CDH13: variants seen among roughly 807,000 people sequenced by gnomAD.
The protein encoded by CDH13 is cadherin-13.
A neutral mutation model predicts 63.8 loss-of-function variants in CDH13; 24 were observed. The observed-to-expected ratio is 0.38, with a 90% CI of 0.27 to 0.53. The LOEUF is 0.53. Among genes scored for constraint, CDH13 ranks in the 20% least tolerant of loss-of-function variants. The probability of loss-of-function intolerance (pLI) is 0.85; values close to 1 mark genes in which losing one functional copy is unlikely to be tolerated. For synonymous variants in CDH13, 503 were observed against 355.3 expected (o/e 1.42, Z -4.67); for missense variants, 1,049 against 903.1 (o/e 1.16, Z -2.07).
intron 4 of CDH13, among the ~76,000 whole-genome samples, chr16:83,138,090 C>T (rs1263448212): frequency 6.6e-6 from 1 of 151,950 alleles, no homozygotes; most frequent in Non-Finnish European, 1.5e-5. Context: ...TAATTGTTCC[C>T]ATCTGTGAGT....
At chr16:83,596,637 C>T (rs537955244) in intron 7 of CDH13, among the ~76,000 whole-genome samples, 2 of 152,146 alleles carry the variant, frequency 1.3e-5, no homozygotes, top group South Asian at 4.2e-4. Context: ...AGAGTGACTC[C>T]GAGAGCTAGG....
intron 2 of CDH13, among the ~76,000 whole-genome samples, chr16:82,947,003 CCTGTGT>C (rs1904797767): frequency 1.1e-5 from 1 of 91,232 alleles, no homozygotes; most frequent in Non-Finnish European, 2.3e-5. Context: ...AGTGCGCACG[CCTGTGT>C]GTGTGTGTGT....
At chr16:83,625,387 C>A (rs1209760750) in intron 8 of CDH13, among the ~76,000 whole-genome samples, 1 of 152,190 alleles carries the variant, frequency 6.6e-6, no homozygotes, top group Admixed American at 6.5e-5. Flanking sequence ...CACTTCCACC[C>A]TATACAGTTG....
At chr16:82,868,954 T>C (rs1225136727) in intron 2 of CDH13, among the ~76,000 whole-genome samples, 2 of 152,174 alleles carry the variant, frequency 1.3e-5, no homozygotes, top group Admixed American at 6.5e-5. Flanking sequence ...TATTTTCTCA[T>C]CTGGAAAATT....
intron 1 of CDH13, among the ~76,000 whole-genome samples, chr16:82,709,734 A>G (rs1157688756): frequency 6.6e-6 from 1 of 152,202 alleles, no homozygotes; most frequent in Non-Finnish European, 1.5e-5. Flanking sequence ...GATATGGTAA[A>G]GAGGATGCAG....
chr16:83,760,061 A>T (rs569911567), intron 11 of CDH13, among the ~76,000 whole-genome samples: 1 of 152,232 alleles, frequency 6.6e-6, no homozygotes, highest in Non-Finnish European at 1.5e-5. Flanking sequence ...TAACAAATGT[A>T]TGAAAAGATG....
chr16:83,629,681 G>T (rs934469380), intron 8 of CDH13, among the ~76,000 whole-genome samples: 1 of 152,106 alleles, frequency 6.6e-6, no homozygotes, highest in African/African-American at 2.4e-5. Flanking sequence ...GGACATAAAC[G>T]AGAAGTCTAC....
intron 6 of CDH13, among the ~76,000 whole-genome samples, chr16:83,412,536 C>T (rs2092142906): frequency 6.6e-6 from 1 of 151,974 alleles, no homozygotes; most frequent in Admixed American, 6.6e-5. Context: ...AGGCATAAGC[C>T]CCCACCTTAG....
intron 7 of CDH13, among the ~76,000 whole-genome samples, chr16:83,488,087 G>C (rs1313405135): frequency 6.6e-6 from 1 of 152,124 alleles, no homozygotes; most frequent in Non-Finnish European, 1.5e-5. Flanking sequence ...AGTCACATGG[G>C]GTTATTGCAA....
intron 6 of CDH13, among the ~76,000 whole-genome samples, chr16:83,367,148 C>G (rs1222067025): frequency 6.6e-6 from 1 of 152,188 alleles, no homozygotes; most frequent in Non-Finnish European, 1.5e-5. Flanking sequence ...CTCTTTGGTA[C>G]TAGACAACCA....
chr16:83,203,289 G>T (rs2039085662), intron 4 of CDH13, among the ~76,000 whole-genome samples: 1 of 152,094 alleles, frequency 6.6e-6, no homozygotes, highest in South Asian at 2.1e-4. Context: ...TTCACTATCT[G>T]TGTGATGGGA....
chr16:82,813,276 G>C (rs1229073681), intron 1 of CDH13, among the ~76,000 whole-genome samples: 1 of 152,128 alleles, frequency 6.6e-6, no homozygotes, highest in Non-Finnish European at 1.5e-5. Flanking sequence ...TGGGGAAGGA[G>C]ATGGGAGATG....
In CDH13 at chr16:83,063,108, C is replaced by T. The variant is rs148102720; in HGVS notation, c.366+30890C>T. The stretch of plus-strand genomic sequence containing the variant: ...TCCCTAATAGCTGAGACTACAGGCA[C>T]GTGCCAGCACGTCTGGCTAATTTTT... On this transcript the variant is annotated intron_variant, in intron 3 of 13. Transcript: ENST00000567109. Among the ~76,000 whole-genome samples, 200 of 152,132 alleles carry T rather than the reference C, an allele frequency of 1.3e-3. 1 individual carries two copies. Among genetic ancestry groups the T allele is most frequent in the Middle Eastern group, 0.01 (3 of 294 alleles).
intron 3 of CDH13, among the ~76,000 whole-genome samples, chr16:83,107,313 G>T (rs919354666): frequency 3.9e-5 from 4 of 101,382 alleles, no homozygotes; most frequent in Admixed American, 8.5e-5. Context: ...GTTCGTTGGG[G>T]TTGGTGGTGG....
chr16:83,750,192 A>T (rs576531457), intron 11 of CDH13, among the ~76,000 whole-genome samples: 1 of 152,248 alleles, frequency 6.6e-6, no homozygotes, highest in African/African-American at 2.4e-5. Context: ...GGTACTCAGG[A>T]GGCTGAGGCA....
intron 5 of CDH13, among the ~76,000 whole-genome samples, chr16:83,318,556 T>C (rs1421760683): frequency 6.6e-6 from 1 of 152,228 alleles, no homozygotes; most frequent in African/African-American, 2.4e-5. Context: ...TTTCATTCTG[T>C]TACTCAAAAT....
At chr16:83,240,719 T>TTTTC (rs1157383639) in intron 5 of CDH13, among the ~76,000 whole-genome samples, 61 of 53,878 alleles carry the variant, frequency 1.1e-3, no homozygotes, top group African/African-American at 2.4e-3. Flanking sequence ...GTCTTAATCT[T>TTTTC]TTTTTTTTTT....
chr16:83,121,467 C>T (rs749835930), intron 3 of CDH13, among the ~76,000 whole-genome samples: 1 of 152,160 alleles, frequency 6.6e-6, no homozygotes, highest in African/African-American at 2.4e-5. Context: ...ATGCCAAGTG[C>T]CCAGCACATT....
chr16:83,175,821 C>CTTTTTTTTTTTTTTTTTTTTTTTTT (rs762355886), intron 4 of CDH13, among the ~76,000 whole-genome samples: 1 of 90,010 alleles, frequency 1.1e-5, no homozygotes. Context: ...TTTCAACCTG[C>CTTTTTTTTTTTTTTTTTTTTTTTTT]TTTTTTTTTT....
Sources: allele counts gnomAD v4.1 joint callset (sites outside exome capture counted in the v4.1 genomes callset), GRCh38; gene constraint gnomAD v4.1.1; transcripts MANE v1.5; gene names NCBI Gene and HGNC (gene_info 2026-07-23, HGNC 2026-07-21).